Variants in TUSC3 observed in about 807,000 individuals in gnomAD.
The protein encoded by TUSC3 is tumor suppressor candidate 3.
In TUSC3, 45 loss-of-function variants were observed where a neutral mutation model predicts 44.8. The observed-to-expected ratio is 1.00, with a 90% CI of 0.79 to 1.29. The LOEUF is 1.29. Among genes scored for constraint, TUSC3 ranks in the 50% most tolerant of loss-of-function variants. TUSC3 has a pLI of 0.00. For synonymous variants in TUSC3, 212 were observed against 152.9 expected (o/e 1.39, Z -2.85); for missense variants, 519 against 437.9 (o/e 1.19, Z -1.65).
At chr8:15,570,160 G>T (rs1172408852) in intron 1 of TUSC3, among the ~76,000 whole-genome samples, 1 of 151,882 alleles carries the variant, frequency 6.6e-6, no homozygotes, top group Non-Finnish European at 1.5e-5. Flanking sequence ...TTGTAGGGAA[G>T]TTCTGATTTT....
At chr8:15,727,522 C>A (rs1235424318) in intron 6 of TUSC3, among the ~76,000 whole-genome samples, 1 of 152,082 alleles carries the variant, frequency 6.6e-6, no homozygotes, top group African/African-American at 2.4e-5. Context: ...CAAACAAATT[C>A]AAGCTAAGTA....
At chr8:15,850,767 C>T in the TUSC3 span, among the ~76,000 whole-genome samples, 3 of 152,098 alleles carry the variant, frequency 2.0e-5, no homozygotes, top group African/African-American at 7.2e-5. Context: ...AATCTTAAAA[C>T]GACATTGAAA....
intron 1 of TUSC3, among the ~76,000 whole-genome samples, chr8:15,545,240 G>A (rs959330260): frequency 6.6e-6 from 1 of 151,456 alleles, no homozygotes; most frequent in African/African-American, 2.4e-5. Context: ...CACAGCAATA[G>A]ATAGTTTATT....
At chr8:15,561,902 T>C (rs2129140266) in intron 1 of TUSC3, among the ~76,000 whole-genome samples, 1 of 152,298 alleles carries the variant, frequency 6.6e-6, no homozygotes, top group East Asian at 1.9e-4. Context: ...GCACCCACTG[T>C]CTGGCACTCC....
At chr8:15,756,229 A>G (rs540006581) in intron 9 of TUSC3, among the ~76,000 whole-genome samples, 1 of 152,276 alleles carries the variant, frequency 6.6e-6, no homozygotes, top group South Asian at 2.1e-4. Flanking sequence ...AAAGTTAGTT[A>G]CTTAACTTCC....
chr8:15,573,421 A>G (rs986318934), intron 1 of TUSC3, among the ~76,000 whole-genome samples: 3 of 151,636 alleles, frequency 2.0e-5, no homozygotes, highest in African/African-American at 7.3e-5. Context: ...GGGAATGGCT[A>G]GGTTGGCTTG....
At chr8:15,477,784 T>A (rs1175424812) in intron 1 of TUSC3, among the ~76,000 whole-genome samples, 2 of 152,184 alleles carry the variant, frequency 1.3e-5, no homozygotes, top group Non-Finnish European at 2.9e-5. Flanking sequence ...AGTGTTTTCA[T>A]ATAAGCTGTC....
At chr8:15,586,935 A>G (rs1803627317) in intron 1 of TUSC3, among the ~76,000 whole-genome samples, 1 of 152,202 alleles carries the variant, frequency 6.6e-6, no homozygotes, top group Non-Finnish European at 1.5e-5. Context: ...TTTTGTAAAA[A>G]TAAGCCATCC....
At chr8:15,642,378 A>G (rs1460982254) in intron 2 of TUSC3, among the ~76,000 whole-genome samples, 1 of 152,200 alleles carries the variant, frequency 6.6e-6, no homozygotes, top group Non-Finnish European at 1.5e-5. Flanking sequence ...TTTGATGAGA[A>G]AAGTTAAAAA....
At chr8:15,703,648 A>T (rs1791132549) in intron 6 of TUSC3, among the ~76,000 whole-genome samples, 1 of 152,070 alleles carries the variant, frequency 6.6e-6, no homozygotes, top group African/African-American at 2.4e-5. Flanking sequence ...CTCATAGCCA[A>T]AGTTATGGGG....
At chr8:15,507,657 TATACAAA>T (rs1317593141) in intron 2 of TUSC3, among the ~76,000 whole-genome samples, 5 of 152,132 alleles carry the variant, frequency 3.3e-5, no homozygotes, top group African/African-American at 7.2e-5. Flanking sequence ...CAAAATATGT[TATACAAA>T]ATACAAAATA....
At chr8:15,523,664 A>ATATATGTGTGTG (rs1345376349) in intron 2 of TUSC3, among the ~76,000 whole-genome samples, 4 of 42,494 alleles carry the variant, frequency 9.4e-5, no homozygotes, top group African/African-American at 3.5e-4. Flanking sequence ...ATATATATAT[A>ATATATGTGTGTG]TGTGTGTGTG....
chr8:15,732,616 A>G (rs919309503), intron 7 of TUSC3, among the ~76,000 whole-genome samples: 2 of 152,228 alleles, frequency 1.3e-5, no homozygotes, highest in African/African-American at 4.8e-5. Context: ...AAAACTTGAA[A>G]TGTAAACATT....
chr8:15,450,145 G>A (rs981174403), intron 1 of TUSC3, among the ~76,000 whole-genome samples: 2 of 152,172 alleles, frequency 1.3e-5, no homozygotes, highest in East Asian at 1.9e-4. Context: ...TAAAAAAAGT[G>A]TGAGAGGCTT....
intron 2 of TUSC3, among the ~76,000 whole-genome samples, chr8:15,519,496 G>T (rs1008437278): frequency 3.3e-5 from 5 of 152,142 alleles, no homozygotes; most frequent in Non-Finnish European, 7.3e-5. Flanking sequence ...AGGCCACACA[G>T]CAGGAGGTGA....
the TUSC3 span, among the ~76,000 whole-genome samples, chr8:15,843,276 A>G: frequency 4.9e-4 from 75 of 152,252 alleles, no homozygotes; most frequent in South Asian, 3.9e-3. Context: ...TATTCAAAAA[A>G]TATGTTTTCT....
intron 1 of TUSC3, among the ~76,000 whole-genome samples, chr8:15,605,231 A>G (rs183017551): frequency 6.6e-6 from 1 of 151,866 alleles, no homozygotes; most frequent in African/African-American, 2.4e-5. Context: ...AGAGTAACTC[A>G]TGCCGCTACC....
At chr8:15,695,104 G>A (rs9886377) in intron 6 of TUSC3, among the ~76,000 whole-genome samples, 6,079 of 152,258 alleles carry the variant, frequency 0.04, 353 homozygotes, top group African/African-American at 0.14. Flanking sequence ...TAGTGTCAGT[G>A]CAGTGGTGGT....
At chr8:15,582,127 T>A (rs1259294055) in intron 1 of TUSC3, among the ~76,000 whole-genome samples, 1 of 152,186 alleles carries the variant, frequency 6.6e-6, no homozygotes, top group Admixed American at 6.5e-5. Flanking sequence ...CCTGACCCCT[T>A]GCGCTTCCCA....
Sources: gnomAD v4.1 joint callset for allele counts (sites outside exome capture counted in the v4.1 genomes callset) on GRCh38, gnomAD v4.1.1 for gene constraint, MANE v1.5 for transcripts, NCBI Gene and HGNC (gene_info 2026-07-23, HGNC 2026-07-21) for gene names.